The following CCDC27 variants were observed in gnomAD, a reference collection of about 807,000 sequenced individuals.
CCDC27 encodes the protein coiled-coil domain-containing protein 27.
A neutral mutation model predicts 80.3 loss-of-function variants in CCDC27; 80 were observed. The observed-to-expected ratio is 1.00, with a 90% confidence interval of 0.83 to 1.20. The LOEUF (loss-of-function observed/expected upper bound fraction) is 1.20. CCDC27 is among the 50% of genes most tolerant of loss of function. CCDC27 has a pLI of 0.00. For missense variants in CCDC27, 815 were observed against 809.4 expected, an observed-to-expected ratio of 1.01 and a Z score of -0.08; for synonymous variants, 342 against 334.3, an observed-to-expected ratio of 1.02 and a Z score of -0.25.
chr1:3,763,269 G>A lies in CCDC27; in HGVS notation c.1116G>A (p.Glu372=). 6.3e-7 allele frequency: 1 copy of A among 1,585,568 alleles called. No individual in the cohort carries two copies. The highest frequency in any genetic ancestry group is 8.6e-7 in the Non-Finnish European group (1 of 1,165,146). The change falls in exon 7 of 12, where the codon GAG becomes GAA. Residue 372 remains glutamate (E), a synonymous_variant. Transcript: ENST00000294600. This position sits in a 1 kb window ranked among gnomAD's most constrained non-coding sequence, Gnocchi z 7.5. ...CCGTGCATGAGGAGGGAAGCGAGGA[G>A]GAGGAAGAGGAGGAAGGGGACAGGG... ...MGSVHEEGSE[E]EEEEEGDRDE...
chr1:3,766,628 T>C lies in CCDC27; in HGVS notation c.1530+16T>C. ...CCTCCGACAGGTGACAGCCTGGGTG[T>C]CGTTAAATGATCAGCCAGGCCACTG... On this transcript the variant is annotated intron_variant, in intron 9 of 11. Coordinates refer to ENST00000294600, the MANE Select transcript of CCDC27 (RefSeq NM_152492.3). This position sits in a 1 kb window ranked among gnomAD's most constrained non-coding sequence, Gnocchi z 6.1. 6.2e-7 allele frequency: 1 copy of C among 1,602,362 alleles called. No homozygotes were observed. Among genetic ancestry groups the C allele is most frequent in the South Asian group, 1.1e-5 (1 of 90,604 alleles).
chr1:3,756,932 T>A (rs4648405), intron 4 of CCDC27, 42 bp downstream of exon 4: 12 of 1,583,918 alleles, frequency 7.6e-6, no homozygotes, highest in East Asian at 2.3e-5. Flanking sequence ...CCCACCCCTC[T>A]CTCTGCGTCC....
intron 2 of CCDC27, 64 bp from the exon 3 acceptor site, chr1:3,755,393 C>T (rs1642925927): frequency 2.2e-6 from 3 of 1,352,040 alleles, no homozygotes; most frequent in Non-Finnish European, 3.2e-6. Context: ...TAAGAGTCTG[C>T]CCTGGAGATC....
rs577484877 is a variant in CCDC27, at chr1:3,763,638, C to T, written c.1322-68C>T. ...AGCCCTCCCAGCTGCCGCAGTGGCC[C>T]GGCCCTCTCCTTCTGTCCCTCACTG... On this transcript the variant is annotated intron_variant, in intron 7 of 11. Transcript: ENST00000294600. This position sits in a 1 kb window ranked among gnomAD's most constrained non-coding sequence, Gnocchi z 7.5. 1.6e-4 allele frequency: 250 copies of T among 1,599,950 alleles called. No individual in the cohort carries two copies. The Admixed American group carries it at 1.7e-3, about 11-fold the overall frequency.
At chr1:3,762,566 C>G (rs1478634297) in intron 5 of CCDC27, 54 bp from the exon 6 acceptor site, 2 of 1,428,194 alleles carry the variant, frequency 1.4e-6, no homozygotes, top group African/African-American at 2.8e-5. Flanking sequence ...TGGTCTGTCC[C>G]TGGGGTGCTG....
In CCDC27 at chr1:3,765,013, C is replaced by T. The variant is rs534882888; in HGVS notation, c.1452+1177C>T. ...TTGCACCATTGCACTCCAGTCTGGGCGACAAGAGCAAAACTCCATCTCAAA... is the reference window on the plus strand; with the variant it reads ...TTGCACCATTGCACTCCAGTCTGGGTGACAAGAGCAAAACTCCATCTCAAA... On this transcript the variant is annotated intron_variant, in intron 8 of 11. Transcript: ENST00000294600. Among the ~76,000 whole-genome samples the T allele has an allele frequency of 3.2e-4, 43 of 134,434 alleles. No homozygotes were observed. In the East Asian group the frequency reaches 7.2e-3, roughly 22 times the overall value. The allele number at this position is 134,434 out of a possible 152,430, so 88.2% of individuals were successfully genotyped here.
In CCDC27 at chr1:3,757,076, T is replaced by A. The variant is rs1642975888; in HGVS notation, c.711+186T>A. On this transcript the variant is annotated intron_variant, in intron 4 of 11. Transcript: ENST00000294600. The stretch of plus-strand genomic sequence containing the variant: ...CAAAGCTCCTCACCCCTGTCCATCC[T>A]CACCCCAGTGGGTGGCAGTTACGCC... 6.5e-6 allele frequency: 4 copies of A among 618,218 alleles called. No homozygotes were observed. The East Asian group carries it at 1.3e-4, about 20-fold the overall frequency. The allele number at this position is 618,218 out of a possible 1,614,324, so 38.3% of individuals were successfully genotyped here.
rs893486114 is a variant in CCDC27, at chr1:3,761,513, C to G, written c.861+83C>G. 2.2e-5 allele frequency: 33 copies of G among 1,500,420 alleles called. No homozygotes were observed. The African/African-American group carries it at 4.5e-4, about 20-fold the overall frequency. The allele number at this position is 1,500,420 out of a possible 1,614,324, so 92.9% of individuals were successfully genotyped here. The stretch of plus-strand genomic sequence containing the variant: ...TCCAAAGCTGCTAGTGACACACAGG[C>G]CCCTGGCAAACCCCCAGGCCCCCTG... On this transcript the variant is annotated intron_variant, in intron 5 of 11. Transcript: ENST00000294600. This position sits in a 1 kb window ranked among gnomAD's most constrained non-coding sequence, Gnocchi z 5.0.
Position 3,766,148 on chromosome 1 carries a change from G to A in CCDC27, c.1453-387G>A, listed in dbSNP as rs375047036. On this transcript the variant is annotated intron_variant, in intron 8 of 11. Coordinates refer to ENST00000294600, the MANE Select transcript of CCDC27 (RefSeq NM_152492.3). This position sits in a 1 kb window ranked among gnomAD's most constrained non-coding sequence, Gnocchi z 6.1. ...TCTAAAGTGCTGGGATTACAGGTGTGAGCCACTGCACGTGGCCTAGGGCTC... is the reference window on the plus strand; with the variant it reads ...TCTAAAGTGCTGGGATTACAGGTGTAAGCCACTGCACGTGGCCTAGGGCTC... Among the ~76,000 whole-genome samples the A allele has an allele frequency of 7.6e-4, 116 of 152,338 alleles. No individual in the cohort carries two copies. The highest frequency in any genetic ancestry group is 8.5e-4 in the Non-Finnish European group (58 of 68,032).
Position 3,769,678 on chromosome 1 carries a change from T to C in CCDC27, c.1744-105T>C. ...AAAGCCATGAAAAGTGAGGGTGAGC[T>C]GTTCCTTCCTGGTACATAAAAAATA... On this transcript the variant is annotated intron_variant, in intron 10 of 11. Coordinates refer to ENST00000294600, the MANE Select transcript of CCDC27 (RefSeq NM_152492.3). This position sits in a 1 kb window ranked among gnomAD's most constrained non-coding sequence, Gnocchi z 4.6. The C allele has an allele frequency of 1.3e-6, 1 of 767,220 alleles. No individual in the cohort carries two copies. The highest frequency in any genetic ancestry group is 1.7e-5 in the African/African-American group (1 of 58,900). 47.5% of individuals were successfully genotyped at this position (767,220 alleles called of 1,614,324 possible).
Position 3,767,257 on chromosome 1 carries a change from C to T in CCDC27, c.1555C>T (p.Leu519Phe). 6.2e-7 allele frequency: 1 copy of T among 1,614,054 alleles called. No homozygotes were observed. Among genetic ancestry groups the T allele is most frequent in the Non-Finnish European group, 8.5e-7 (1 of 1,180,016 alleles). The change falls in exon 10 of 12, where the codon CTC becomes TTC. Residue 519 changes from leucine (L) to phenylalanine (F), a missense_variant. Leu to Phe is a conservative substitution (Grantham distance 22). Coordinates refer to ENST00000294600, the MANE Select transcript of CCDC27 (RefSeq NM_152492.3). ...GCAAGTGTCGGAACTGGAGAGAAAG[C>T]TCACCAAGCGGGACTGTGTCATCTC... ...RQQVSELERK[L>F]TKRDCVISEL...
chr1:3,759,965 G>T (rs1344663626), intron 4 of CCDC27, among the ~76,000 whole-genome samples: 1 of 152,192 alleles, frequency 6.6e-6, no homozygotes, highest in African/African-American at 2.4e-5. Context: ...GGAGCTCCAA[G>T]GGGCTCATCA....
intron 4 of CCDC27, among the ~76,000 whole-genome samples, chr1:3,758,250 C>T (rs895804516): frequency 9.2e-5 from 14 of 152,058 alleles, no homozygotes; most frequent in African/African-American, 2.4e-4. Flanking sequence ...AGTGCAGTGG[C>T]GCCATTCAGC....
In CCDC27 at chr1:3,767,262, C is replaced by G. The variant is rs754543297; in HGVS notation, c.1560C>G (p.Thr520=). Residue 520 remains threonine (T), a synonymous_variant, in exon 10 of 12, where the codon ACC becomes ACG. Coordinates refer to ENST00000294600, the MANE Select transcript of CCDC27 (RefSeq NM_152492.3). ...TGTCGGAACTGGAGAGAAAGCTCAC[C>G]AAGCGGGACTGTGTCATCTCAGAGT... ...QQVSELERKL[T]KRDCVISELD... The G allele has an allele frequency of 1.2e-6, 2 of 1,614,056 alleles. No homozygotes were observed. The highest frequency in any genetic ancestry group is 1.7e-6 in the Non-Finnish European group (2 of 1,180,024).
In CCDC27 at chr1:3,756,795, T is replaced by C. The variant is rs745551497; in HGVS notation, c.616T>C (p.Ser206Pro). Residue 206 changes from serine (S) to proline (P), a missense_variant, in exon 4 of 12, where the codon TCC becomes CCC. By Grantham distance (74) the Ser-to-Pro change is moderately conservative. Coordinates refer to ENST00000294600, the MANE Select transcript of CCDC27 (RefSeq NM_152492.3). ...CGATTACTTGCGGAAGAGGAGAAAA[T>C]CCCAGACTTTGAGTCCGGTCACCAG... ...EFDYLRKRRK[S>P]QTLSPVTSSS... 2 of 1,613,952 alleles carry C rather than the reference T, an allele frequency of 1.2e-6. No homozygotes were observed. The highest frequency in any genetic ancestry group is 1.3e-5 in the African/African-American group (1 of 74,966).
chr1:3,757,062 A>G (rs1457481945), intron 4 of CCDC27, 172 bp downstream of exon 4: 1 of 696,558 alleles, frequency 1.4e-6, no homozygotes, highest in Admixed American at 3.2e-5. Flanking sequence ...AAAGCTCCTC[A>G]CCCCTGTCCA....
intron 4 of CCDC27, among the ~76,000 whole-genome samples, chr1:3,757,735 A>T (rs1384903420): frequency 1.3e-5 from 2 of 152,072 alleles, no homozygotes; most frequent in Non-Finnish European, 2.9e-5. Context: ...CATCCTGGCT[A>T]ACACGCGAAA....
In CCDC27 at chr1:3,769,720, A is replaced by G. The variant is rs1267506307; in HGVS notation, c.1744-63A>G. 1 of 1,118,270 alleles carries G rather than the reference A, an allele frequency of 8.9e-7. No homozygotes were observed. The highest frequency in any genetic ancestry group is 1.4e-6 in the Non-Finnish European group (1 of 727,580). The allele number at this position is 1,118,270 out of a possible 1,614,324, so 69.3% of individuals were successfully genotyped here. ...TAAAAAATAAGGTGGTGGGGGGTGCAGCCCACTGGCCAGGTGCCTTCTTGG... is the reference window on the plus strand; with the variant it reads ...TAAAAAATAAGGTGGTGGGGGGTGCGGCCCACTGGCCAGGTGCCTTCTTGG... On this transcript the variant is annotated intron_variant, in intron 10 of 11. Coordinates refer to ENST00000294600, the MANE Select transcript of CCDC27 (RefSeq NM_152492.3). This position sits in a 1 kb window ranked among gnomAD's most constrained non-coding sequence, Gnocchi z 4.6.
rs895849722 is a variant in CCDC27 at position 3,753,481 on chromosome 1, C to T, written c.319-637C>T. 2.0e-5 allele frequency among the ~76,000 whole-genome samples: 3 copies of T among 151,912 alleles called. No homozygotes were observed. The East Asian group carries it at 5.8e-4, about 29-fold the overall frequency. ...TGGGATTACAATGTGCCACCTTGCCCGGCTAATTTTATTTGTTTGTTTGTT... is the reference window on the plus strand; with the variant it reads ...TGGGATTACAATGTGCCACCTTGCCTGGCTAATTTTATTTGTTTGTTTGTT... On this transcript the variant is annotated intron_variant, in intron 1 of 11. Transcript: ENST00000294600.
Sources: gnomAD v4.1 joint callset for allele counts (sites outside exome capture counted in the v4.1 genomes callset) on GRCh38, gnomAD v4.1.1 for gene constraint, Gnocchi (gnomAD v3.1) non-coding constraint, MANE v1.5 for transcripts, NCBI Gene and HGNC (gene_info 2026-07-23, HGNC 2026-07-21) for gene names.